Variants in ADAMTS6 observed in about 807,000 individuals in gnomAD.
The protein encoded by ADAMTS6 is A disintegrin and metalloproteinase with thrombospondin motifs 6.
ADAMTS6 carries 23 observed loss-of-function variants against 144.3 expected under a neutral mutation model. The ratio of observed to expected loss-of-function variants is 0.16; its 90% confidence interval spans 0.11 to 0.23. ADAMTS6 has a LOEUF of 0.23. Among genes scored for constraint, ADAMTS6 ranks in the 10% least tolerant of loss-of-function variants. The pLI is 1.00. For synonymous variants in ADAMTS6, 444 were observed against 457.5 expected, an observed-to-expected ratio of 0.97 and a Z score of 0.38; for missense variants, 999 against 1,379.6, an observed-to-expected ratio of 0.72 and a Z score of 4.37.
intron 7 of ADAMTS6, chr5:65,451,230 T>A (rs1202509586): frequency 5.2e-6 from 2 of 388,042 alleles, no homozygotes; most frequent in Non-Finnish European, 9.1e-6. Context: ...ATAGAACTTA[T>A]CAGTAGGAGG....
chr5:65,230,420 AAT>A (rs1313932212), intron 15 of ADAMTS6, among the ~76,000 whole-genome samples: 1 of 88,264 alleles, frequency 1.1e-5, no homozygotes, highest in East Asian at 2.8e-4. Context: ...ATATATATGA[AAT>A]ATATATAATA....
intron 9 of ADAMTS6, among the ~76,000 whole-genome samples, chr5:65,313,477 T>C (rs1744702108): frequency 6.6e-6 from 1 of 152,034 alleles, no homozygotes; most frequent in Admixed American, 6.6e-5. Context: ...TGTGAATTCA[T>C]AGATAGCATA....
intron 7 of ADAMTS6, among the ~76,000 whole-genome samples, chr5:65,439,783 G>A (rs1181122209): frequency 6.6e-6 from 1 of 152,052 alleles, no homozygotes; most frequent in Admixed American, 6.6e-5. Flanking sequence ...CTGTACTGGG[G>A]TTATATAAGA....
rs149618337 is a variant in ADAMTS6, at chr5:65,452,136, A to G, written c.924T>C (p.Asp308=). Residue 308 remains aspartate, a synonymous_variant, in exon 6 of 25, where the codon GAT becomes GAC. Coordinates refer to ENST00000381055, the MANE Select transcript of ADAMTS6 (RefSeq NM_197941.4). ...IVARLIVLTE[D]QPNLEINHHA... Reference sequence around the variant, plus strand: ...ATATAAACTAACTCATTCTTACCTGATCTTCTGTGAGAACAATTAAGCGGG... The same window carrying G: ...ATATAAACTAACTCATTCTTACCTGGTCTTCTGTGAGAACAATTAAGCGGG... The G allele has an allele frequency of 7.6e-5, 122 of 1,607,908 alleles. No homozygotes were observed. In the African/African-American group the frequency reaches 1.6e-3, roughly 21 times the overall value.
rs545508028 is a variant in ADAMTS6 at position 65,375,847 on chromosome 5, A to C, written c.1074-41762T>G. Among the ~76,000 whole-genome samples the C allele has an allele frequency of 5.3e-5, 8 of 152,312 alleles. No homozygotes were observed. The East Asian group carries it at 1.5e-3, about 29-fold the overall frequency. ...TACGGCATTATTCACAATAGCAAAGACTTGGAACCAACCCAAATGTCCAAC... is the reference window on the plus strand; with the variant it reads ...TACGGCATTATTCACAATAGCAAAGCCTTGGAACCAACCCAAATGTCCAAC... On this transcript the variant is annotated intron_variant, in intron 7 of 24. Transcript: ENST00000381055.
intron 20 of ADAMTS6, among the ~76,000 whole-genome samples, chr5:65,207,731 C>A (rs1756212531): frequency 6.6e-6 from 1 of 152,164 alleles, no homozygotes; most frequent in Non-Finnish European, 1.5e-5. Flanking sequence ...TAAAAGAAAA[C>A]AAATTGTATC....
intron 7 of ADAMTS6, among the ~76,000 whole-genome samples, chr5:65,354,521 AAT>A (rs1749147077): frequency 6.6e-6 from 1 of 151,814 alleles, no homozygotes; most frequent in Admixed American, 6.6e-5. Context: ...TGCTTTTGTT[AAT>A]ATGAGTAAAT....
At chr5:65,358,022 C>T (rs1749494114) in intron 7 of ADAMTS6, among the ~76,000 whole-genome samples, 1 of 151,852 alleles carries the variant, frequency 6.6e-6, no homozygotes, top group Non-Finnish European at 1.5e-5. Flanking sequence ...AAGGACACCA[C>T]AAGAGAAGAA....
intron 9 of ADAMTS6, among the ~76,000 whole-genome samples, chr5:65,315,942 C>T (rs922202614): frequency 3.3e-5 from 5 of 152,232 alleles, no homozygotes; most frequent in East Asian, 3.9e-4. Context: ...GACGGAGTCT[C>T]GCTCTGTCGC....
chr5:65,476,913 G>A (rs1158803951), intron 1 of ADAMTS6, among the ~76,000 whole-genome samples: 2 of 152,050 alleles, frequency 1.3e-5, no homozygotes, highest in African/African-American at 4.8e-5. Flanking sequence ...GCGCCCAGTC[G>A]ATATATTTAT....
At chr5:65,361,215 T>C (rs1749796945) in intron 7 of ADAMTS6, among the ~76,000 whole-genome samples, 1 of 152,110 alleles carries the variant, frequency 6.6e-6, no homozygotes, top group Non-Finnish European at 1.5e-5. Context: ...TAAAATAGTT[T>C]AGACAAACAT....
At chr5:65,193,986 T>C (rs1217644422) in intron 21 of ADAMTS6, among the ~76,000 whole-genome samples, 4 of 152,144 alleles carry the variant, frequency 2.6e-5, no homozygotes, top group African/African-American at 9.7e-5. Context: ...ATAGAAAAAA[T>C]ACTGGAAATA....
At chr5:65,302,287 AT>A (rs1169730798) in intron 9 of ADAMTS6, among the ~76,000 whole-genome samples, 1 of 144,598 alleles carries the variant, frequency 6.9e-6, no homozygotes, top group Non-Finnish European at 1.5e-5. Context: ...TATATAAAAT[AT>A]TAATATATAA....
At chr5:65,446,235 A>G (rs907971810) in intron 7 of ADAMTS6, among the ~76,000 whole-genome samples, 1 of 152,182 alleles carries the variant, frequency 6.6e-6, no homozygotes, top group Non-Finnish European at 1.5e-5. Context: ...CATGAAACCA[A>G]TATATAATCC....
intron 10 of ADAMTS6, among the ~76,000 whole-genome samples, chr5:65,294,936 G>A (rs1742688398): frequency 6.6e-6 from 1 of 151,292 alleles, no homozygotes; most frequent in South Asian, 2.1e-4. Context: ...CCAGTTTTGA[G>A]ACTTTATATA....
rs1334662731 is a variant in ADAMTS6 at position 65,177,274 on chromosome 5, T to A, written c.2911-4266A>T. ...AAACTAAAGCTAAGAAAAATTTAACTCTTTCATCTATTCTATTACTCTTTC... is the reference window on the plus strand; with the variant it reads ...AAACTAAAGCTAAGAAAAATTTAACACTTTCATCTATTCTATTACTCTTTC... On this transcript the variant is annotated intron_variant, in intron 22 of 24. Coordinates refer to ENST00000381055, the MANE Select transcript of ADAMTS6 (RefSeq NM_197941.4). 1.3e-5 allele frequency among the ~76,000 whole-genome samples: 2 copies of A among 152,294 alleles called. 1 individual carries two copies. The highest frequency in any genetic ancestry group is 3.9e-4 in the East Asian group (2 of 5,186).
At chr5:65,360,050 A>G (rs889600999) in intron 7 of ADAMTS6, among the ~76,000 whole-genome samples, 1 of 152,236 alleles carries the variant, frequency 6.6e-6, no homozygotes, top group African/African-American at 2.4e-5. Flanking sequence ...ACTGCTATAA[A>G]GAAATACCTG....
At chr5:65,192,689 G>A (rs1446211220) in intron 21 of ADAMTS6, among the ~76,000 whole-genome samples, 1 of 149,114 alleles carries the variant, frequency 6.7e-6, no homozygotes, top group East Asian at 2.0e-4. Flanking sequence ...GCTATGTCAT[G>A]GATCCCACTA....
At chr5:65,197,987 C>T (rs562073416) in intron 20 of ADAMTS6, among the ~76,000 whole-genome samples, 7 of 152,128 alleles carry the variant, frequency 4.6e-5, no homozygotes, top group Non-Finnish European at 2.9e-5. Flanking sequence ...AACACACACT[C>T]GTATTTGTAA....
Sources: gnomAD v4.1 joint callset for allele counts (sites outside exome capture counted in the v4.1 genomes callset) on GRCh38, gnomAD v4.1.1 for gene constraint, MANE v1.5 for transcripts, NCBI Gene and HGNC (gene_info 2026-07-23, HGNC 2026-07-21) for gene names.